The following COLQ variants were observed in gnomAD, a reference collection of about 807,000 sequenced individuals.
COLQ encodes collagen like tail subunit of asymmetric acetylcholinesterase, also known as acetylcholinesterase collagenic tail peptide.
In COLQ, 48 loss-of-function variants were observed where a neutral mutation model predicts 69.0. That is an observed-to-expected ratio of 0.70 (90% CI 0.55 to 0.88). The LOEUF (loss-of-function observed/expected upper bound fraction) is 0.88. Ranked by LOEUF, COLQ falls within the 40% of genes least tolerant of loss-of-function variation. COLQ has a pLI of 0.00. For missense variants in COLQ, 618 were observed against 594.6 expected (o/e 1.04, Z -0.41); for synonymous variants, 217 against 211.2 (o/e 1.03, Z -0.24).
At chr3:15,517,259 T>C (rs1351101918) in intron 1 of COLQ, among the ~76,000 whole-genome samples, 1 of 152,200 alleles carries the variant, frequency 6.6e-6, no homozygotes, top group Non-Finnish European at 1.5e-5. Context: ...ATTTGGTATA[T>C]ACTGGTGAAA....
At chr3:15,514,932 A>G (rs1012362237) in intron 1 of COLQ, among the ~76,000 whole-genome samples, 4 of 152,188 alleles carry the variant, frequency 2.6e-5, no homozygotes, top group African/African-American at 7.2e-5. Context: ...GATATCAGAA[A>G]TACTTTTTGT....
chr3:15,483,615 C>A (rs1305353192), intron 3 of COLQ, among the ~76,000 whole-genome samples: 1 of 152,006 alleles, frequency 6.6e-6, no homozygotes, highest in African/African-American at 2.4e-5. Flanking sequence ...CATTTGCTGA[C>A]GAGTGCTTTA....
intron 1 of COLQ, among the ~76,000 whole-genome samples, chr3:15,509,036 T>A (rs916403235): frequency 6.6e-6 from 1 of 151,970 alleles, no homozygotes; most frequent in African/African-American, 2.4e-5. Flanking sequence ...AGAAGGAGGA[T>A]CTTAATCAAT....
intron 1 of COLQ, among the ~76,000 whole-genome samples, chr3:15,520,823 C>G (rs367917544): frequency 7.9e-5 from 12 of 152,300 alleles, no homozygotes; most frequent in African/African-American, 2.9e-4. Context: ...AGCCTCATAC[C>G]CGGCAGACAC....
chr3:15,494,829 A>G (rs1575487571), intron 1 of COLQ, among the ~76,000 whole-genome samples: 1 of 152,202 alleles, frequency 6.6e-6, no homozygotes, highest in African/African-American at 2.4e-5. Flanking sequence ...CTAGCACTGT[A>G]TCTGGCATAT....
rs1176625902 is a variant in COLQ at position 15,478,264 on chromosome 3, T to C, written c.393+713A>G. Among the ~76,000 whole-genome samples the C allele has an allele frequency of 2.0e-5, 3 of 152,236 alleles. No individual in the cohort carries two copies. In the East Asian group the frequency reaches 5.8e-4, roughly 29 times the overall value. Reference sequence around the variant, plus strand: ...TCTGTGCCCTAAAGAGTTGTAACTTTGTCTTGCAAAAGTCTGTTTAAGGAT... The same window carrying C: ...TCTGTGCCCTAAAGAGTTGTAACTTCGTCTTGCAAAAGTCTGTTTAAGGAT... On this transcript the variant is annotated intron_variant, in intron 5 of 16. Coordinates refer to ENST00000383788, the MANE Select transcript of COLQ (RefSeq NM_005677.4).
intron 12 of COLQ, among the ~76,000 whole-genome samples, chr3:15,459,832 C>G (rs929748677): frequency 2.0e-5 from 3 of 151,818 alleles, no homozygotes; most frequent in African/African-American, 7.3e-5. Context: ...TTTTAGGGTA[C>G]ATGTGCACAA....
chr3:15,491,282 GT>G (rs2062661949), intron 1 of COLQ, among the ~76,000 whole-genome samples: 1 of 152,174 alleles, frequency 6.6e-6, no homozygotes, highest in Non-Finnish European at 1.5e-5. Flanking sequence ...CAAAGCTATG[GT>G]TTTTCAGTTC....
chr3:15,496,114 C>G (rs950089764), intron 1 of COLQ: 10 of 152,496 alleles, frequency 6.6e-5, no homozygotes, highest in Admixed American at 4.6e-4. Flanking sequence ...AAAGCAATCA[C>G]TTCTCTCCTT....
At chr3:15,508,445 T>G (rs1382591393) in intron 1 of COLQ, among the ~76,000 whole-genome samples, 1 of 152,234 alleles carries the variant, frequency 6.6e-6, no homozygotes, top group African/African-American at 2.4e-5. Flanking sequence ...CCTGTCTTGA[T>G]TGCTTTGCTC....
At chr3:15,463,074 G>A (rs920230052) in intron 12 of COLQ, among the ~76,000 whole-genome samples, 3 of 152,052 alleles carry the variant, frequency 2.0e-5, no homozygotes, top group Non-Finnish European at 4.4e-5. Flanking sequence ...GCAATACACC[G>A]AAGACAGACA....
intron 11 of COLQ, among the ~76,000 whole-genome samples, chr3:15,466,999 C>A (rs1359572194): frequency 6.6e-6 from 1 of 152,260 alleles, no homozygotes; most frequent in Non-Finnish European, 1.5e-5. Flanking sequence ...GCAAAGCCTT[C>A]CCTGACCTTC....
rs145437746 is a variant in COLQ at position 15,474,207 on chromosome 3, T to C, written c.600+21A>G. On this transcript the variant is annotated intron_variant, in intron 9 of 16. Transcript: ENST00000383788. The stretch of plus-strand genomic sequence containing the variant: ...CTTGCACTGACATTTATCATTTCTA[T>C]GGAAAGGTTTTCTCCATTACCTTTT... The C allele has an allele frequency of 1.4e-4, 222 of 1,613,774 alleles. No homozygotes were observed. In the African/African-American group the frequency reaches 1.8e-3, roughly 13 times the overall value.
chr3:15,498,898 T>C, intron 1 of COLQ: 1 of 1,311,268 alleles, frequency 7.6e-7, no homozygotes, highest in South Asian at 1.7e-5. Flanking sequence ...GGGATACTTA[T>C]CCCCCTGCAA....
chr3:15,452,349 G>C (rs1420944479), intron 16 of COLQ, among the ~76,000 whole-genome samples: 1 of 152,204 alleles, frequency 6.6e-6, no homozygotes, highest in Non-Finnish European at 1.5e-5. Context: ...TTACAGGCGT[G>C]AGTCACAGTG....
intron 1 of COLQ, among the ~76,000 whole-genome samples, chr3:15,499,541 T>A (rs1426126517): frequency 6.6e-6 from 1 of 152,234 alleles, no homozygotes; most frequent in African/African-American, 2.4e-5. Flanking sequence ...TGGTCATGTT[T>A]TGTAAAAGTT....
Position 15,499,014 on chromosome 3 carries a change from A to T in COLQ, c.107-9377T>A. The T allele has an allele frequency of 1.4e-5, 14 of 986,352 alleles. No homozygotes were observed. In the South Asian group the frequency reaches 1.5e-4, roughly 10 times the overall value. 61.1% of individuals were successfully genotyped at this position (986,352 alleles called of 1,614,324 possible). On this transcript the variant is annotated intron_variant, in intron 1 of 16. Transcript: ENST00000383788. ...GTATTGACTGCTCTGGTAAGCCTCA[A>T]AGTCAACCCCCCACCGAGACCGTCC... is the stretch of plus-strand genomic sequence containing the variant.
intron 1 of COLQ, among the ~76,000 whole-genome samples, chr3:15,500,637 T>C (rs1305068817): frequency 6.6e-6 from 1 of 152,224 alleles, no homozygotes. Flanking sequence ...CACGAATATC[T>C]TCTGCCTCTT....
intron 14 of COLQ, 30 bp from the exon 15 acceptor site, chr3:15,456,049 G>C (rs2062019888): frequency 1.2e-6 from 2 of 1,613,544 alleles, no homozygotes; most frequent in Non-Finnish European, 1.7e-6. Flanking sequence ...GCATTAACTG[G>C]AGCATGGCAT....
Sources: allele counts gnomAD v4.1 joint callset (sites outside exome capture counted in the v4.1 genomes callset), GRCh38; gene constraint gnomAD v4.1.1; transcripts MANE v1.5; gene names NCBI Gene and HGNC (gene_info 2026-07-23, HGNC 2026-07-21).